Variants in PCSK6 observed in about 807,000 individuals in gnomAD.
PCSK6 encodes the protein proprotein convertase subtilisin/kexin type 6.
PCSK6 carries 85 observed loss-of-function variants against 123.3 expected under a neutral mutation model. The observed-to-expected ratio is 0.69, with a 90% CI of 0.58 to 0.83. The LOEUF is 0.83. PCSK6 is among the 40% of genes least tolerant of loss of function. The pLI is 0.00. For synonymous variants in PCSK6, 508 were observed against 516.0 expected, an observed-to-expected ratio of 0.98 and a Z score of 0.21; for missense variants, 1,191 against 1,282.3, an observed-to-expected ratio of 0.93 and a Z score of 1.09.
intron 13 of PCSK6, among the ~76,000 whole-genome samples, chr15:101,335,845 C>T (rs985541064): frequency 3.9e-5 from 6 of 152,184 alleles, no homozygotes; most frequent in African/African-American, 1.4e-4. Context: ...CTAGATGGTA[C>T]CCCTACTCCA....
intron 13 of PCSK6, among the ~76,000 whole-genome samples, chr15:101,343,601 A>G (rs1266397726): frequency 1.3e-5 from 2 of 152,240 alleles, no homozygotes; most frequent in Middle Eastern, 3.4e-3. Context: ...CTTTTAACAC[A>G]TAAATTATTT....
intron 6 of PCSK6, among the ~76,000 whole-genome samples, chr15:101,412,399 T>C (rs2141624159): frequency 6.6e-6 from 1 of 152,322 alleles, no homozygotes; most frequent in Admixed American, 6.5e-5. Flanking sequence ...TTCCTCTTTT[T>C]AGGTTTACCT....
chr15:101,339,955 A>AT (rs1427148835), intron 13 of PCSK6, among the ~76,000 whole-genome samples: 2 of 151,582 alleles, frequency 1.3e-5, no homozygotes, highest in Non-Finnish European at 2.9e-5. Flanking sequence ...ACACACAGTA[A>AT]TTTTTTGTGT....
At chr15:101,331,722 A>G (rs1422344608) in intron 14 of PCSK6, 33 bp from the exon 15 acceptor site, 1 of 1,555,642 alleles carries the variant, frequency 6.4e-7, no homozygotes, top group South Asian at 1.1e-5. Flanking sequence ...GATTATTATG[A>G]CTCCCAGGCA....
chr15:101,349,726 G>A (rs945735009), intron 13 of PCSK6, among the ~76,000 whole-genome samples: 2 of 152,080 alleles, frequency 1.3e-5, no homozygotes, highest in African/African-American at 2.4e-5. Context: ...GCCCGTCACC[G>A]GTGCAGCCAG....
Position 101,342,129 on chromosome 15 carries a change from C to CAAAAAAAAAAAAA in PCSK6, c.1859-10111_1859-10099dup, listed in dbSNP as rs35083182. On this transcript the variant is annotated intron_variant, in intron 13 of 21. Coordinates refer to ENST00000611716, the MANE Select transcript of PCSK6 (RefSeq NM_002570.5). ...TGGGAAACAGAGTAAGACCCTGTCT[C>CAAAAAAAAAAAAA]AAAAAAAAAAAAAAAAAAAAAAAAG... Among the ~76,000 whole-genome samples, 63 of 51,492 alleles carry CAAAAAAAAAAAAA rather than the reference C, an allele frequency of 1.2e-3. 1 individual carries two copies. Among genetic ancestry groups the CAAAAAAAAAAAAA allele is most frequent in the African/African-American group, 2.1e-3 (28 of 13,088 alleles). The allele number at this position is 51,492 out of a possible 152,430, so 33.8% of individuals were successfully genotyped here.
At chr15:101,329,834 A>G (rs186230758) in intron 15 of PCSK6, among the ~76,000 whole-genome samples, 21 of 151,688 alleles carry the variant, frequency 1.4e-4, no homozygotes, top group Non-Finnish European at 2.4e-4. Context: ...CCTCCCAGCC[A>G]CTCTCTTGCA....
chr15:101,332,109 C>T (rs1335698497), intron 13 of PCSK6, 78 bp from the exon 14 acceptor site: 2 of 1,331,760 alleles, frequency 1.5e-6, no homozygotes, highest in Non-Finnish European at 2.0e-6. Context: ...CAGATGCTGC[C>T]TGGCTCCTCC....
At chr15:101,346,427 C>T (rs1596209159) in intron 13 of PCSK6, 1 of 157,906 alleles carries the variant, frequency 6.3e-6, no homozygotes, top group East Asian at 1.9e-4. Context: ...ATGCAAGTAA[C>T]AAAAAGAAAG....
At chr15:101,469,348 C>T (rs1052679274) in intron 1 of PCSK6, among the ~76,000 whole-genome samples, 5 of 152,146 alleles carry the variant, frequency 3.3e-5, no homozygotes, top group African/African-American at 1.2e-4. Flanking sequence ...AGTTTACAGG[C>T]AAATGCACGT....
chr15:101,308,443 A>C (rs1449996228), intron 20 of PCSK6: 1 of 152,202 alleles, frequency 6.6e-6, no homozygotes. Context: ...CAGCCCTCTG[A>C]TGGGGTCTGG....
chr15:101,357,278 C>G (rs1188327653), intron 13 of PCSK6, among the ~76,000 whole-genome samples: 1 of 152,134 alleles, frequency 6.6e-6, no homozygotes, highest in Non-Finnish European at 1.5e-5. Flanking sequence ...ACTCACAGGC[C>G]ACCCTCACCA....
At chr15:101,393,117 A>T in intron 8 of PCSK6, 95 bp downstream of exon 8, 1 of 1,045,936 alleles carries the variant, frequency 9.6e-7, no homozygotes, top group Admixed American at 2.0e-5. Context: ...ATCTGGCCTC[A>T]ATCTAAGCCA....
chr15:101,405,522 T>C (rs1002099297), intron 6 of PCSK6, among the ~76,000 whole-genome samples: 4 of 152,170 alleles, frequency 2.6e-5, no homozygotes, highest in African/African-American at 7.2e-5. Context: ...CCACTGACAA[T>C]TGCAGCTGCC....
At chr15:101,437,622 G>C (rs1255293833) in intron 2 of PCSK6, among the ~76,000 whole-genome samples, 1 of 152,196 alleles carries the variant, frequency 6.6e-6, no homozygotes, top group Non-Finnish European at 1.5e-5. Context: ...GAAGACCCCT[G>C]CTTAACAGTC....
intron 1 of PCSK6, among the ~76,000 whole-genome samples, chr15:101,471,299 T>A (rs2057597968): frequency 6.6e-6 from 1 of 152,122 alleles, no homozygotes; most frequent in South Asian, 2.1e-4. Context: ...TCTCTAAACA[T>A]AAATTTATGA....
chr15:101,307,150 A>T, intron 21 of PCSK6, 63 bp downstream of exon 21: 1 of 1,242,336 alleles, frequency 8.0e-7, no homozygotes, highest in Admixed American at 1.9e-5. Flanking sequence ...TTCTCTTTGG[A>T]GCACGAGCTG....
intron 13 of PCSK6, among the ~76,000 whole-genome samples, chr15:101,358,456 C>T (rs2041110825): frequency 6.6e-6 from 1 of 152,184 alleles, no homozygotes; most frequent in African/African-American, 2.4e-5. Context: ...GGCCCTTGGG[C>T]CCTTGTGCAT....
At chr15:101,455,975 G>A (rs767006213) in intron 1 of PCSK6, among the ~76,000 whole-genome samples, 8 of 152,206 alleles carry the variant, frequency 5.3e-5, no homozygotes, top group Admixed American at 4.6e-4. Context: ...AGGGGACCAG[G>A]TCCCAGCCCA....
Sources: allele counts gnomAD v4.1 joint callset (sites outside exome capture counted in the v4.1 genomes callset), GRCh38; gene constraint gnomAD v4.1.1; transcripts MANE v1.5; gene names NCBI Gene and HGNC (gene_info 2026-07-23, HGNC 2026-07-21).